The following SYCP2L variants were observed in gnomAD, a reference collection of about 807,000 sequenced individuals.
SYCP2L encodes the protein synaptonemal complex protein 2-like.
A neutral mutation model predicts 125.8 loss-of-function variants in SYCP2L; 98 were observed. The ratio of observed to expected loss-of-function variants is 0.78; its 90% CI spans 0.66 to 0.92. The LOEUF is 0.92. Ranked by LOEUF, SYCP2L falls within the 40% of genes least tolerant of loss-of-function variation. The probability of loss-of-function intolerance (pLI) is 0.00; values close to 1 mark genes in which losing one functional copy is unlikely to be tolerated. For missense variants in SYCP2L, 842 were observed against 936.4 expected (o/e 0.90, Z 1.32); for synonymous variants, 317 against 325.4 (o/e 0.97, Z 0.28).
intron 26 of SYCP2L, among the ~76,000 whole-genome samples, chr6:10,960,595 G>A (rs553885406): frequency 7.9e-5 from 12 of 152,314 alleles, no homozygotes; most frequent in Non-Finnish European, 1.6e-4. Context: ...GAGCTAAAAT[G>A]TAGATGTGGG....
intron 10 of SYCP2L, among the ~76,000 whole-genome samples, chr6:10,907,888 A>G (rs1780526020): frequency 2.4e-5 from 1 of 42,054 alleles, no homozygotes; most frequent in Admixed American, 3.5e-4. Context: ...AGGGATACAG[A>G]TAGGTTTTTT....
Position 10,935,046 on chromosome 6 carries a change from A to G in SYCP2L, c.1684-12A>G, listed in dbSNP as rs551464285. The G allele has an allele frequency of 1.4e-5, 22 of 1,578,094 alleles. No homozygotes were observed. The South Asian group carries it at 2.4e-4, about 17-fold the overall frequency. On this transcript the variant is annotated splice_polypyrimidine_tract_variant and intron_variant, in intron 20 of 29. Transcript: ENST00000283141. ...ATGAATGTTAACACTTAAAAAAGAT[A>G]CTATATTTTAGGCTAAGCTTCTATC...
intron 16 of SYCP2L, 117 bp downstream of exon 16, chr6:10,926,549 C>T: frequency 4.2e-6 from 3 of 716,154 alleles, no homozygotes; most frequent in Non-Finnish European, 7.2e-6. Flanking sequence ...TCTGATGGCA[C>T]TTCTGGAGGA....
intron 14 of SYCP2L, among the ~76,000 whole-genome samples, chr6:10,915,867 A>G (rs772091040): frequency 4.6e-5 from 7 of 152,110 alleles, no homozygotes; most frequent in African/African-American, 1.2e-4. Flanking sequence ...CTTTTTCTCT[A>G]TCTTGTGGAA....
intron 20 of SYCP2L, 99 bp downstream of exon 20, chr6:10,931,588 G>T: frequency 8.4e-7 from 1 of 1,190,134 alleles, no homozygotes; most frequent in Non-Finnish European, 1.2e-6. Context: ...ACAAAATATT[G>T]GTTTACTGAT....
chr6:10,930,730 A>G (rs1037801411), intron 19 of SYCP2L, among the ~76,000 whole-genome samples: 3 of 152,254 alleles, frequency 2.0e-5, no homozygotes, highest in Non-Finnish European at 4.4e-5. Context: ...TGAGTTTTGT[A>G]TAAATGGAGT....
At chr6:10,940,783 A>G (rs1351550288) in intron 21 of SYCP2L, among the ~76,000 whole-genome samples, 2 of 152,192 alleles carry the variant, frequency 1.3e-5, no homozygotes, top group South Asian at 2.1e-4. Context: ...GGATGTGTTC[A>G]TCGATTTGAA....
chr6:10,928,585 A>G (rs1780938500), intron 18 of SYCP2L, 135 bp downstream of exon 18: 4 of 1,273,422 alleles, frequency 3.1e-6, no homozygotes, highest in Non-Finnish European at 4.1e-6. Flanking sequence ...TTTTTTTAAG[A>G]CAAGGCCTTG....
chr6:10,887,868 G>T, intron 1 of SYCP2L, among the ~76,000 whole-genome samples: 1 of 152,082 alleles, frequency 6.6e-6, no homozygotes, highest in East Asian at 1.9e-4. Context: ...AACAGATTTG[G>T]GACAGAAACC....
rs923788965 is a variant in SYCP2L, at chr6:10,910,322, A to G, written c.872+122A>G. On this transcript the variant is annotated intron_variant, in intron 11 of 29. Coordinates refer to ENST00000283141, the MANE Select transcript of SYCP2L (RefSeq NM_001040274.3). ...ATATTGGGTACATCATTTACAGAGT[A>G]TACTGAGTTGTCCATTGAGTGGAAA... 7.9e-6 allele frequency: 7 copies of G among 886,422 alleles called. No homozygotes were observed. In the African/African-American group the frequency reaches 1.0e-4, roughly 13 times the overall value. 54.9% of individuals were successfully genotyped at this position (886,422 alleles called of 1,614,324 possible).
intron 28 of SYCP2L, 33 bp from the exon 29 acceptor site, chr6:10,963,749 G>T: frequency 1.2e-6 from 2 of 1,609,206 alleles, no homozygotes; most frequent in South Asian, 2.2e-5. Context: ...TGTCTAATGT[G>T]AATATAATAA....
At chr6:10,949,335 A>AG (rs1209657093) in intron 23 of SYCP2L, among the ~76,000 whole-genome samples, 1 of 152,134 alleles carries the variant, frequency 6.6e-6, no homozygotes, top group African/African-American at 2.4e-5. Flanking sequence ...AATGGTTAGT[A>AG]GTTCTTCCTT....
Position 10,897,991 on chromosome 6 carries a change from G to C in SYCP2L, c.337-20G>C. 1.3e-6 allele frequency: 2 copies of C among 1,543,308 alleles called. No homozygotes were observed. Among genetic ancestry groups the C allele is most frequent in the Non-Finnish European group, 1.8e-6 (2 of 1,115,784 alleles). On this transcript the variant is annotated intron_variant, in intron 4 of 29. Coordinates refer to ENST00000283141, the MANE Select transcript of SYCP2L (RefSeq NM_001040274.3). ...GCAGCATTTAGTCTTATGTAGTTAC[G>C]TTAGTGTCCTCCTGTGTACCTAGTT... is the stretch of plus-strand genomic sequence containing the variant.
chr6:10,971,596 G>T (rs1434368174), intron 29 of SYCP2L, among the ~76,000 whole-genome samples: 1 of 152,142 alleles, frequency 6.6e-6, no homozygotes, highest in Non-Finnish European at 1.5e-5. Context: ...ACCACCTCTT[G>T]ATAGTTGGGA....
Position 10,954,845 on chromosome 6 carries a change from G to T in SYCP2L, c.1955-271G>T, listed in dbSNP as rs1412461370. On this transcript the variant is annotated intron_variant, in intron 23 of 29. Coordinates refer to ENST00000283141, the MANE Select transcript of SYCP2L (RefSeq NM_001040274.3). The surrounding 1 kb of genome is among the most constrained non-coding windows in gnomAD (Gnocchi z 4.8). ...TGTCTACCATTACTGCTTAACTTAG[G>T]AACGCTCTGCCTAGTGAGGGGTCTG... Among the ~76,000 whole-genome samples, 2 of 152,162 alleles carry T rather than the reference G, an allele frequency of 1.3e-5. No homozygotes were observed. The highest frequency in any genetic ancestry group is 4.8e-5 in the African/African-American group (2 of 41,430).
In SYCP2L at chr6:10,928,389, T is replaced by C; in HGVS notation, c.1441-14T>C. 7.6e-7 allele frequency: 1 copy of C among 1,318,532 alleles called. No homozygotes were observed. The highest frequency in any genetic ancestry group is 1.1e-6 in the Non-Finnish European group (1 of 930,090). The allele number at this position is 1,318,532 out of a possible 1,614,324, so 81.7% of individuals were successfully genotyped here. The stretch of plus-strand genomic sequence containing the variant: ...GTCTATGAAATCTTCACAATCCACG[T>C]TCTTCTGCCATAGCTTCAGCCGGTC... On this transcript the variant is annotated splice_polypyrimidine_tract_variant and intron_variant, in intron 17 of 29. Coordinates refer to ENST00000283141, the MANE Select transcript of SYCP2L (RefSeq NM_001040274.3).
chr6:10,900,975 G>A (rs1780367166), intron 6 of SYCP2L, among the ~76,000 whole-genome samples: 1 of 152,178 alleles, frequency 6.6e-6, no homozygotes, highest in South Asian at 2.1e-4. Flanking sequence ...GTAGAAAGAT[G>A]TTTTCACTGA....
intron 1 of SYCP2L, among the ~76,000 whole-genome samples, chr6:10,888,327 C>T (rs760461945): frequency 1.3e-5 from 2 of 151,964 alleles, no homozygotes; most frequent in Non-Finnish European, 2.9e-5. Flanking sequence ...TGTCTCTTGA[C>T]CTCATGATCT....
At chr6:10,930,314 A>G (rs997788861) in intron 18 of SYCP2L, 56 bp from the exon 19 acceptor site, 12 of 1,550,740 alleles carry the variant, frequency 7.7e-6, no homozygotes, top group Non-Finnish European at 1.0e-5. Context: ...GTTTAGTTAT[A>G]CATAAGAGGC....
Sources: allele counts gnomAD v4.1 joint callset (sites outside exome capture counted in the v4.1 genomes callset), GRCh38; gene constraint gnomAD v4.1.1; non-coding constraint Gnocchi (gnomAD v3.1); transcripts MANE v1.5; gene names NCBI Gene and HGNC (gene_info 2026-07-23, HGNC 2026-07-21).